ERC2: variants seen among roughly 807,000 people sequenced by gnomAD.
ERC2 encodes ERC protein 2.
A neutral mutation model predicts 114.8 loss-of-function variants in ERC2; 42 were observed. That is an observed-to-expected ratio of 0.37 (90% CI 0.29 to 0.47). The LOEUF (loss-of-function observed/expected upper bound fraction) is 0.47, where lower values mean the gene tolerates loss of function less well. Ranked by LOEUF, ERC2 falls within the 20% of genes least tolerant of loss-of-function variation. The probability of loss-of-function intolerance (pLI) is 0.99; values close to 1 mark genes in which losing one functional copy is unlikely to be tolerated. For synonymous variants in ERC2, 454 were observed against 425.5 expected (o/e 1.07, Z -0.82); for missense variants, 939 against 1,150.7 (o/e 0.82, Z 2.66).
chr3:56,277,980 G>A (rs2054113257), intron 3 of ERC2, among the ~76,000 whole-genome samples: 1 of 152,088 alleles, frequency 6.6e-6, no homozygotes, highest in South Asian at 2.1e-4. Context: ...TAAGGCCTTA[G>A]GCAGAGTAAT....
At chr3:56,261,724 CA>C (rs2052942899) in intron 3 of ERC2, among the ~76,000 whole-genome samples, 5 of 152,032 alleles carry the variant, frequency 3.3e-5, no homozygotes. Context: ...ATTTTAAGTT[CA>C]GGGGTACTTG....
chr3:55,947,066 G>A (rs1450192140), intron 13 of ERC2, among the ~76,000 whole-genome samples: 2 of 152,178 alleles, frequency 1.3e-5, no homozygotes, highest in African/African-American at 2.4e-5. Flanking sequence ...CAGGATCCCA[G>A]AGTGTTTAAA....
chr3:56,133,748 A>G (rs1351756258), intron 6 of ERC2, among the ~76,000 whole-genome samples: 1 of 152,358 alleles, frequency 6.6e-6, no homozygotes, highest in Non-Finnish European at 1.5e-5. Flanking sequence ...TGTAGCAGCC[A>G]TAAGACACTC....
At chr3:55,563,305 A>G (rs1008908865) in intron 17 of ERC2, among the ~76,000 whole-genome samples, 1 of 150,518 alleles carries the variant, frequency 6.6e-6, no homozygotes, top group African/African-American at 2.4e-5. Context: ...AGAATTGGTG[A>G]GTATGCATCC....
chr3:56,237,751 T>C (rs1012800044), intron 3 of ERC2, among the ~76,000 whole-genome samples: 1 of 152,202 alleles, frequency 6.6e-6, no homozygotes, highest in Non-Finnish European at 1.5e-5. Flanking sequence ...GGTGTTTTGA[T>C]AGCTTTTCTT....
intron 17 of ERC2, among the ~76,000 whole-genome samples, chr3:55,565,600 A>G (rs766558652): frequency 2.6e-5 from 4 of 152,166 alleles, no homozygotes; most frequent in Non-Finnish European, 4.4e-5. Flanking sequence ...CTCAGAAAAA[A>G]AAAAAGTGCT....
intron 5 of ERC2, among the ~76,000 whole-genome samples, chr3:56,144,484 A>T (rs1265204327): frequency 6.6e-6 from 1 of 152,238 alleles, no homozygotes; most frequent in African/African-American, 2.4e-5. Flanking sequence ...AAAAACTTTC[A>T]ACTCTACACA....
intron 17 of ERC2, among the ~76,000 whole-genome samples, chr3:55,659,669 T>A (rs1221314376): frequency 6.6e-6 from 1 of 152,098 alleles, no homozygotes; most frequent in Non-Finnish European, 1.5e-5. Context: ...AAGTTCAATC[T>A]CTTCAAAAAA....
intron 17 of ERC2, among the ~76,000 whole-genome samples, chr3:55,522,846 G>A (rs1199967340): frequency 6.6e-6 from 1 of 152,160 alleles, no homozygotes; most frequent in Admixed American, 6.5e-5. Flanking sequence ...TCTGTTATGG[G>A]GCTTCCAGCT....
chr3:55,675,106 A>C (rs2061726768), intron 17 of ERC2, among the ~76,000 whole-genome samples: 1 of 152,180 alleles, frequency 6.6e-6, no homozygotes, highest in Non-Finnish European at 1.5e-5. Flanking sequence ...CTCAAGATTG[A>C]ACACACGAGC....
At chr3:55,721,706 T>C (rs2064564475) in intron 15 of ERC2, among the ~76,000 whole-genome samples, 2 of 152,234 alleles carry the variant, frequency 1.3e-5, no homozygotes, top group Admixed American at 1.3e-4. Flanking sequence ...GTTGCCTTGC[T>C]TTGTTTAAAC....
intron 3 of ERC2, among the ~76,000 whole-genome samples, chr3:56,275,934 A>G (rs900801433): frequency 6.6e-6 from 1 of 152,238 alleles, no homozygotes; most frequent in African/African-American, 2.4e-5. Flanking sequence ...AGAACTATCC[A>G]GCCCAGAATG....
At chr3:56,176,168 T>C (rs146056525) in intron 3 of ERC2, among the ~76,000 whole-genome samples, 128 of 152,356 alleles carry the variant, frequency 8.4e-4, no homozygotes, top group African/African-American at 3.0e-3. Context: ...CCCATTCTGA[T>C]ACCAGGTGGC....
intron 7 of ERC2, among the ~76,000 whole-genome samples, chr3:56,030,098 T>C (rs1008037410): frequency 6.6e-6 from 1 of 152,182 alleles, no homozygotes; most frequent in Non-Finnish European, 1.5e-5. Context: ...TGATATATAA[T>C]TTTCAAGTGT....
chr3:56,299,660 G>C (rs1417759794), intron 2 of ERC2, among the ~76,000 whole-genome samples: 6 of 152,056 alleles, frequency 3.9e-5, no homozygotes, highest in Middle Eastern at 3.4e-3. Flanking sequence ...AAACTCCTGA[G>C]CTCAAGTGAT....
intron 12 of ERC2, among the ~76,000 whole-genome samples, chr3:55,967,039 A>G (rs1444088867): frequency 2.0e-5 from 3 of 152,228 alleles, no homozygotes; most frequent in Admixed American, 6.5e-5. Context: ...TGCAAAGACT[A>G]AAAACTATCT....
intron 15 of ERC2, among the ~76,000 whole-genome samples, chr3:55,704,667 G>A (rs1182784123): frequency 6.6e-6 from 1 of 152,206 alleles, no homozygotes; most frequent in African/African-American, 2.4e-5. Context: ...AATCATAATT[G>A]AGTAGAATCT....
At chr3:56,158,054 C>A (rs574097926) in intron 4 of ERC2, among the ~76,000 whole-genome samples, 1 of 143,498 alleles carries the variant, frequency 7.0e-6, no homozygotes, top group East Asian at 2.2e-4. Context: ...CAAGATGGAG[C>A]AAACAAAGCT....
chr3:56,064,597 C>T (rs572848238), intron 7 of ERC2, among the ~76,000 whole-genome samples: 197 of 152,340 alleles, frequency 1.3e-3, no homozygotes, highest in African/African-American at 4.5e-3. Context: ...CCCTTGGGAA[C>T]GAACGACTTA....
Sources: allele counts gnomAD v4.1 joint callset (sites outside exome capture counted in the v4.1 genomes callset), GRCh38; gene constraint gnomAD v4.1.1; transcripts MANE v1.5; gene names NCBI Gene and HGNC (gene_info 2026-07-23, HGNC 2026-07-21).